DIDO1: variants seen among roughly 807,000 people sequenced by gnomAD.
DIDO1 encodes death-inducer obliterator 1.
A neutral mutation model predicts 99.4 loss-of-function variants in DIDO1; 16 were observed. That is an observed-to-expected ratio of 0.16 (90% confidence interval 0.11 to 0.24). The LOEUF is 0.24. DIDO1 is among the 10% of genes least tolerant of loss of function. The pLI is 1.00. For missense variants in DIDO1, 2,996 were observed against 3,014.0 expected (o/e 0.99, Z 0.14); for synonymous variants, 1,366 against 1,239.1 (o/e 1.10, Z -2.15).
At chr20:62,889,828 C>T (rs2064361869) in intron 15 of DIDO1, 2 of 985,364 alleles carry the variant, frequency 2.0e-6, no homozygotes, top group African/African-American at 3.5e-5. Context: ...TAATTTAATG[C>T]ACCACGCCAG....
intron 15 of DIDO1, chr20:62,890,029 G>C: frequency 3.0e-6 from 3 of 985,640 alleles, no homozygotes; most frequent in Non-Finnish European, 3.6e-6. Context: ...AGCTAGCTAG[G>C]GTGCGGCATG....
chr20:62,922,001 CTATATA>C (rs750495857), intron 1 of DIDO1, among the ~76,000 whole-genome samples: 1 of 149,170 alleles, frequency 6.7e-6, no homozygotes, highest in East Asian at 1.9e-4. Context: ...TATATATACA[CTATATA>C]TATATCCACA....
chr20:62,898,525 A>G (rs1355809339), intron 6 of DIDO1, among the ~76,000 whole-genome samples: 1 of 152,246 alleles, frequency 6.6e-6, no homozygotes, highest in Non-Finnish European at 1.5e-5. Flanking sequence ...CAAGATTTCC[A>G]TGTGTTCTTT....
chr20:62,900,819 T>C (rs1021204566), intron 6 of DIDO1, among the ~76,000 whole-genome samples: 5 of 152,180 alleles, frequency 3.3e-5, no homozygotes, highest in African/African-American at 9.7e-5. Context: ...CCTATCACCA[T>C]CCGCTACAGC....
At position 62,910,780 on chromosome 20, in the gene DIDO1, T is replaced by C; in HGVS notation, c.833A>G (p.Asn278Ser). Residue 278 changes from asparagine (N) to serine (S), a missense_variant, in exon 3 of 16, where the codon AAC becomes AGC. Physicochemically the swap from Asn to Ser is conservative, Grantham distance 46 (BLOSUM62 1). This residue lies in a region of DIDO1 where 13 missense variants were observed against 49.9 expected (regional missense o/e 0.26). Coordinates refer to ENST00000395343, the MANE Select transcript of DIDO1 (RefSeq NM_001193369.2). The stretch of plus-strand genomic sequence containing the variant: ...GTGCCCACACATGACCCACCTGTTG[T>C]TGTGAGGCTGGCGGCAAATGCAATA... ...ALYCICRQPH[N>S]NRFMICCDRC... 6.2e-7 allele frequency: 1 copy of C among 1,610,908 alleles called. No homozygotes were observed. The highest frequency in any genetic ancestry group is 8.5e-7 in the Non-Finnish European group (1 of 1,177,226).
At position 62,893,812 on chromosome 20, in the gene DIDO1, G is replaced by A. The variant is rs2147400143; in HGVS notation, c.2955C>T (p.Arg985=). 6.2e-7 allele frequency: 1 copy of A among 1,614,170 alleles called. No individual in the cohort carries two copies. The highest frequency in any genetic ancestry group is 8.5e-7 in the Non-Finnish European group (1 of 1,180,042). The change falls in exon 12 of 16, where the codon CGC becomes CGT. Residue 985 remains arginine, a synonymous_variant. Coordinates refer to ENST00000395343, the MANE Select transcript of DIDO1 (RefSeq NM_001193369.2). ...SCTAVASAAS[R]PDSTHMVEAR... ...CTTCCACCATGTGGGTGCTGTCTGG[G>A]CGGGATGCTGCGGAGGCCACGGCTG... is the stretch of plus-strand genomic sequence containing the variant.
At chr20:62,937,680 G>A (rs993721181) in intron 1 of DIDO1, 2 of 385,978 alleles carry the variant, frequency 5.2e-6, no homozygotes, top group African/African-American at 2.4e-5. Context: ...GCCCTGGAAG[G>A]CCGCCGGTCG....
intron 15 of DIDO1, among the ~76,000 whole-genome samples, chr20:62,886,168 G>T (rs2064294805): frequency 1.3e-5 from 2 of 152,212 alleles, no homozygotes; most frequent in Non-Finnish European, 2.9e-5. Context: ...AAGCAACCAG[G>T]GGCCGGGGCT....
chr20:62,910,770 C>T lies in DIDO1; in HGVS notation c.839+4G>A, dbSNP rs781551629. 1 of 1,607,920 alleles carries T rather than the reference C, an allele frequency of 6.2e-7. No individual in the cohort carries two copies. The highest frequency in any genetic ancestry group is 1.1e-5 in the South Asian group (1 of 90,920). ...ATTTCTGTGGGTGCCCACACATGAC[C>T]CACCTGTTGTTGTGAGGCTGGCGGC... On this transcript the variant is annotated splice_donor_region_variant and intron_variant, in intron 3 of 15. Coordinates refer to ENST00000395343, the MANE Select transcript of DIDO1 (RefSeq NM_001193369.2).
Position 62,896,177 on chromosome 20 carries a change from T to C in DIDO1, c.2214+56A>G. 2 of 1,541,596 alleles carry C rather than the reference T, an allele frequency of 1.3e-6. No homozygotes were observed. Among genetic ancestry groups the C allele is most frequent in the Non-Finnish European group, 1.8e-6 (2 of 1,133,852 alleles). On this transcript the variant is annotated intron_variant, in intron 8 of 15. Transcript: ENST00000395343. The surrounding 1 kb of genome is among the most constrained non-coding windows in gnomAD (Gnocchi z 4.4). ...CATCTCAAAATATTGGTTGATCCCT[T>C]TAGCACCCAGCGAACAGAACAGGAA... is the stretch of plus-strand genomic sequence containing the variant.
At chr20:62,926,781 G>A (rs1039227784), upstream of DIDO1, among the ~76,000 whole-genome samples, 9 of 152,216 alleles carry the variant, frequency 5.9e-5, no homozygotes, top group African/African-American at 2.2e-4. Flanking sequence ...CGGGCAGGGC[G>A]CAGGCGGAAC....
rs370219935 is a variant in DIDO1 at position 62,915,891 on chromosome 20, C to T, written c.-199-1485G>A. Among the ~76,000 whole-genome samples the T allele has an allele frequency of 5.3e-5, 8 of 152,214 alleles. 1 individual carries two copies. Among genetic ancestry groups the T allele is most frequent in the Admixed American group, 2.6e-4 (4 of 15,292 alleles). On this transcript the variant is annotated intron_variant, in intron 1 of 15. Transcript: ENST00000395343. Reference sequence around the variant, plus strand: ...TTATGTTAATCTGCGAATAAACACGCTACTAGATTTGAGTTCTGAGTAATC... The same window carrying T: ...TTATGTTAATCTGCGAATAAACACGTTACTAGATTTGAGTTCTGAGTAATC...
Position 62,881,468 on chromosome 20 carries a change from T to C in DIDO1, c.4488A>G (p.Gln1496=), listed in dbSNP as rs775196749. The change falls in exon 16 of 16, where the codon CAA becomes CAG. Residue 1496 remains glutamine, a synonymous_variant. Coordinates refer to ENST00000395343, the MANE Select transcript of DIDO1 (RefSeq NM_001193369.2). This position sits in a 1 kb window ranked among gnomAD's most constrained non-coding sequence, Gnocchi z 8.3. ...IEEQKRQLEE[Q]EEALRQQRAA... ...CCCTCTGCTGCCTGAGAGCTTCTTC[T>C]TGCTCCTCCAGCTGTCTCTTCTGCT... 1.9e-6 allele frequency: 3 copies of C among 1,610,258 alleles called. No individual in the cohort carries two copies. The highest frequency in any genetic ancestry group is 1.3e-5 in the African/African-American group (1 of 75,034).
In DIDO1 at chr20:62,890,659, C is replaced by G. The variant is rs1318033335; in HGVS notation, c.3541+301G>C. On this transcript the variant is annotated intron_variant, in intron 15 of 15. Coordinates refer to ENST00000395343, the MANE Select transcript of DIDO1 (RefSeq NM_001193369.2). ...GTGTCACCTCCCTTTCTGGCTGAGCCTTGGGCTTCTGGGCACTGAGTCTTC... is the reference window on the plus strand; with the variant it reads ...GTGTCACCTCCCTTTCTGGCTGAGCGTTGGGCTTCTGGGCACTGAGTCTTC... 3.2e-6 allele frequency: 4 copies of G among 1,252,462 alleles called. No individual in the cohort carries two copies. In the Admixed American group the frequency reaches 1.4e-4, roughly 45 times the overall value. The allele number at this position is 1,252,462 out of a possible 1,614,324, so 77.6% of individuals were successfully genotyped here. A position where few individuals can be genotyped will look rare whatever the true frequency, so the allele number is the denominator to read the frequency against.
intron 6 of DIDO1, among the ~76,000 whole-genome samples, chr20:62,899,349 G>A (rs993794440): frequency 6.6e-6 from 1 of 152,200 alleles, no homozygotes; most frequent in African/African-American, 2.4e-5. Flanking sequence ...GACCTGAACG[G>A]TATCTTTAAT....
intron 2 of DIDO1, among the ~76,000 whole-genome samples, chr20:62,913,919 T>C (rs1024348952): frequency 4.6e-5 from 7 of 152,232 alleles, no homozygotes; most frequent in African/African-American, 1.7e-4. Context: ...CTAGATTACA[T>C]CATAGAAACA....
At chr20:62,907,052 G>C in intron 5 of DIDO1, 95 bp downstream of exon 5, 1 of 1,326,828 alleles carries the variant, frequency 7.5e-7, no homozygotes, top group African/African-American at 1.4e-5. Flanking sequence ...CCCTACACCT[G>C]CCACCCCCAC....
intron 15 of DIDO1, among the ~76,000 whole-genome samples, chr20:62,882,899 G>C (rs1441701376): frequency 6.8e-6 from 1 of 147,830 alleles, no homozygotes; most frequent in African/African-American, 2.5e-5. Context: ...CCACTGCCAG[G>C]AAGGTAACAA....
rs1466184348 is a variant in DIDO1, at chr20:62,896,927, G to A, written c.1658C>T (p.Pro553Leu). 6.2e-7 allele frequency: 1 copy of A among 1,613,922 alleles called. No individual in the cohort carries two copies. The highest frequency in any genetic ancestry group is 1.3e-5 in the African/African-American group (1 of 74,916). The change falls in exon 7 of 16, where the codon CCA becomes CTA. Residue 553 changes from proline (P) to leucine (L), a missense_variant. Coordinates refer to ENST00000395343, the MANE Select transcript of DIDO1 (RefSeq NM_001193369.2). This position sits in a 1 kb window ranked among gnomAD's most constrained non-coding sequence, Gnocchi z 4.4. ...AMAASKKTAP[P>L]GSAVGKQPAP... ...AGGCTGCTTGCCCACCGCGGAGCCTGGAGGGGCTGTTTTCTTTGAGGCTGC... is the reference window on the plus strand; with the variant it reads ...AGGCTGCTTGCCCACCGCGGAGCCTAGAGGGGCTGTTTTCTTTGAGGCTGC...
Sources: gnomAD v4.1 joint callset for allele counts (sites outside exome capture counted in the v4.1 genomes callset) on GRCh38, gnomAD v4.1.1 for gene constraint, gnomAD v4.1.1 regional missense constraint, Gnocchi (gnomAD v3.1) non-coding constraint, MANE v1.5 for transcripts, NCBI Gene and HGNC (gene_info 2026-07-23, HGNC 2026-07-21) for gene names.